FREM1: variants seen among roughly 807,000 people sequenced by gnomAD.
FREM1 encodes FRAS1 related extracellular matrix 1.
A neutral mutation model predicts 210.1 loss-of-function variants in FREM1; 220 were observed. That is an observed-to-expected ratio of 1.05 (90% CI 0.94 to 1.17). The LOEUF (loss-of-function observed/expected upper bound fraction) is 1.17, where lower values mean the gene tolerates loss of function less well. FREM1 is among the 50% of genes most tolerant of loss of function. FREM1 has a pLI of 0.00. For synonymous variants in FREM1, 1,189 were observed against 980.2 expected, an observed-to-expected ratio of 1.21 and a Z score of -3.98; for missense variants, 3,454 against 2,675.5, an observed-to-expected ratio of 1.29 and a Z score of -6.42.
chr9:14,831,024 G>C (rs1222737278), intron 10 of FREM1, among the ~76,000 whole-genome samples: 2 of 152,156 alleles, frequency 1.3e-5, no homozygotes, highest in South Asian at 2.1e-4. Flanking sequence ...AGGCTTGCTG[G>C]GGAGAACTTG....
Position 14,808,110 on chromosome 9 carries a change from C to A in FREM1, c.2918G>T (p.Cys973Phe). The A allele has an allele frequency of 1.2e-6, 2 of 1,609,448 alleles. No individual in the cohort carries two copies. The highest frequency in any genetic ancestry group is 1.1e-5 in the South Asian group (1 of 90,204). The change falls in exon 17 of 37, where the codon TGT becomes TTT. Residue 973 changes from cysteine (C) to phenylalanine (F), a missense_variant. Cys to Phe is a radical substitution (Grantham distance 205). Coordinates refer to ENST00000380880, the MANE Select transcript of FREM1 (RefSeq NM_001379081.2). ...HTGGEIGLMP[C>F]FDTITLVVSD... ...AACCACCAATGTAATGGTGTCAAAA[C>A]AAGGCATCAGGCCAATCTCGCCACC...
chr9:14,821,148 T>G (rs1270943510), intron 13 of FREM1, among the ~76,000 whole-genome samples: 1 of 152,214 alleles, frequency 6.6e-6, no homozygotes, highest in Non-Finnish European at 1.5e-5. Flanking sequence ...GGTTATCACT[T>G]GGCCAGCTCT....
At chr9:14,792,703 C>A in intron 22 of FREM1, 40 bp downstream of exon 22, 2 of 1,494,906 alleles carry the variant, frequency 1.3e-6, no homozygotes, top group Non-Finnish European at 1.8e-6. Context: ...TTTATACCTG[C>A]TACGTTAGTT....
At chr9:14,871,777 T>C (rs55875513) in intron 1 of FREM1, among the ~76,000 whole-genome samples, 27,809 of 144,020 alleles carry the variant, frequency 0.19, 3,057 homozygotes, top group East Asian at 0.58. Flanking sequence ...CTACGGTTTT[T>C]ACGGTTTTTA....
Position 14,792,272 on chromosome 9 carries a change from G to GCACACACACACACA in FREM1, c.3981+457_3981+470dup, listed in dbSNP as rs34037291. On this transcript the variant is annotated intron_variant, in intron 22 of 36. Coordinates refer to ENST00000380880, the MANE Select transcript of FREM1 (RefSeq NM_001379081.2). Reference sequence around the variant, plus strand: ...GAAATACACACACCCACACACACACGCACACACACACACACACACACACAC... The same window carrying GCACACACACACACA: ...GAAATACACACACCCACACACACACGCACACACACACACACACACACACACACACACACACACAC... 1.2e-3 allele frequency among the ~76,000 whole-genome samples: 177 copies of GCACACACACACACA among 142,304 alleles called. 1 individual carries two copies. Among genetic ancestry groups the GCACACACACACACA allele is most frequent in the African/African-American group, 4.3e-3 (162 of 37,426 alleles). The allele number at this position is 142,304 out of a possible 152,430, so 93.4% of individuals were successfully genotyped here. A position where few individuals can be genotyped will look rare whatever the true frequency, so the allele number is the denominator to read the frequency against.
At chr9:14,797,692 A>G (rs1852701187) in intron 20 of FREM1, 50 bp from the exon 21 acceptor site, 1 of 1,470,982 alleles carries the variant, frequency 6.8e-7, no homozygotes, top group East Asian at 2.3e-5. Flanking sequence ...TTGAACCATC[A>G]TGACATATGT....
At chr9:14,846,172 T>C (rs1005548210) in intron 7 of FREM1, 81 bp from the exon 8 acceptor site, 1 of 1,154,588 alleles carries the variant, frequency 8.7e-7, no homozygotes, top group Non-Finnish European at 1.2e-6. Flanking sequence ...TGGAATACTA[T>C]GCAGCCATAA....
At chr9:14,756,135 A>C (rs1844299959) in intron 29 of FREM1, among the ~76,000 whole-genome samples, 1 of 152,112 alleles carries the variant, frequency 6.6e-6, no homozygotes, top group Non-Finnish European at 1.5e-5. Flanking sequence ...TTGATATCTC[A>C]TATTTATTAT....
At position 14,851,329 on chromosome 9, in the gene FREM1, G is replaced by A. The variant is rs754230760; in HGVS notation, c.1107C>T (p.Ala369=). The stretch of plus-strand genomic sequence containing the variant: ...AATGGCTGCTGTTTGGTGGCTGATA[G>A]GCGATCTGCATGTCACTGAGATCTT... ...TWKDLSDMQI[A]YQPPNSSHSE... Residue 369 remains alanine, a synonymous_variant, in exon 6 of 37, where the codon GCC becomes GCT. Coordinates refer to ENST00000380880, the MANE Select transcript of FREM1 (RefSeq NM_001379081.2). The A allele has an allele frequency of 6.2e-7, 1 of 1,607,944 alleles. No homozygotes were observed. The highest frequency in any genetic ancestry group is 8.5e-7 in the Non-Finnish European group (1 of 1,175,928).
At chr9:14,751,316 T>C (rs1393147908) in intron 29 of FREM1, among the ~76,000 whole-genome samples, 1 of 152,192 alleles carries the variant, frequency 6.6e-6, no homozygotes, top group African/African-American at 2.4e-5. Context: ...AGCCCCTCTA[T>C]ATGATACAGT....
intron 13 of FREM1, among the ~76,000 whole-genome samples, chr9:14,821,862 C>A (rs1203522427): frequency 6.6e-6 from 1 of 152,202 alleles, no homozygotes; most frequent in East Asian, 1.9e-4. Context: ...GATGGAAAAT[C>A]TTCTGATCTT....
rs1014007673 is a variant in FREM1 at position 14,836,026 on chromosome 9, C to T, written c.1881+5421G>A. Among the ~76,000 whole-genome samples the T allele has an allele frequency of 1.3e-5, 2 of 152,156 alleles. No homozygotes were observed. On this transcript the variant is annotated intron_variant, in intron 10 of 36. Transcript: ENST00000380880. This position sits in a 1 kb window ranked among gnomAD's most constrained non-coding sequence, Gnocchi z 4.9. ...TGTGAATCAATATGCTAGTTCTGGG[C>T]AATTATCTTGCAACTTCTGCCGGGT... is the stretch of plus-strand genomic sequence containing the variant.
chr9:14,770,865 T>C, intron 25 of FREM1, 59 bp from the exon 26 acceptor site: 3 of 1,206,088 alleles, frequency 2.5e-6, no homozygotes, highest in East Asian at 2.5e-5. Context: ...CCATGCAACG[T>C]TGGGCTTTAT....
chr9:14,840,420 G>A (rs765455995), intron 10 of FREM1, among the ~76,000 whole-genome samples: 1 of 152,188 alleles, frequency 6.6e-6, no homozygotes, highest in African/African-American at 2.4e-5. Flanking sequence ...CCACATGGCT[G>A]GGGAGGTCTC....
chr9:14,739,463 T>TTC (rs1841054902), intron 36 of FREM1, among the ~76,000 whole-genome samples: 6 of 138,306 alleles, frequency 4.3e-5, no homozygotes, highest in Non-Finnish European at 6.3e-5. Flanking sequence ...TATATATATA[T>TTC]ATATATATAT....
intron 35 of FREM1, among the ~76,000 whole-genome samples, chr9:14,740,625 T>G (rs568069418): frequency 6.6e-6 from 1 of 152,202 alleles, no homozygotes; most frequent in African/African-American, 2.4e-5. Flanking sequence ...CCAAGTTAAT[T>G]TGATGAGTAA....
intron 27 of FREM1, among the ~76,000 whole-genome samples, chr9:14,761,597 G>T (rs772519735): frequency 2.6e-5 from 4 of 152,130 alleles, no homozygotes; most frequent in Admixed American, 6.5e-5. Flanking sequence ...GTTACTTGTG[G>T]TCAACCGTGA....
chr9:14,805,156 G>C lies in FREM1; in HGVS notation c.3275-4C>G, dbSNP rs1481396394. 3.9e-6 allele frequency: 6 copies of C among 1,534,584 alleles called. No individual in the cohort carries two copies. In the Middle Eastern group the frequency reaches 5.2e-4, roughly 134 times the overall value. On this transcript the variant is annotated splice_polypyrimidine_tract_variant and splice_region_variant and intron_variant, in intron 18 of 36. Transcript: ENST00000380880. ...ATGTCTTTCCACTGAAATGAATCTA[G>C]AGCACACCAAGATGGAACAGATAAA...
At chr9:14,817,416 C>T (rs1820497934) in intron 14 of FREM1, among the ~76,000 whole-genome samples, 1 of 152,198 alleles carries the variant, frequency 6.6e-6, no homozygotes, top group Admixed American at 6.5e-5. Flanking sequence ...TCCTCTCAAT[C>T]TATATAAATT....
Sources: gnomAD v4.1 joint callset for allele counts (sites outside exome capture counted in the v4.1 genomes callset) on GRCh38, gnomAD v4.1.1 for gene constraint, Gnocchi (gnomAD v3.1) non-coding constraint, MANE v1.5 for transcripts, NCBI Gene and HGNC (gene_info 2026-07-23, HGNC 2026-07-21) for gene names.